COL2A1: variants seen among roughly 807,000 people sequenced by gnomAD.
COL2A1 encodes the protein collagen alpha-1(II) chain.
In COL2A1, 28 loss-of-function variants were observed where a neutral mutation model predicts 204.5. The observed-to-expected ratio is 0.14, with a 90% CI of 0.10 to 0.19. COL2A1 has a LOEUF of 0.19. COL2A1 is among the 10% of genes least tolerant of loss of function. COL2A1 has a pLI of 1.00. For missense variants in COL2A1, 1,388 were observed against 2,027.5 expected (o/e 0.68, Z 6.06); for synonymous variants, 708 against 718.7 (o/e 0.99, Z 0.24).
intron 36 of COL2A1, 94 bp from the exon 37 acceptor site, chr12:47,981,490 A>T: frequency 8.5e-7 from 1 of 1,179,738 alleles, no homozygotes; most frequent in Non-Finnish European, 1.2e-6. Context: ...TGCTCGTGGG[A>T]AGGGGGCTCC....
chr12:47,975,811 G>A, intron 50 of COL2A1, 152 bp downstream of exon 50: 2 of 813,364 alleles, frequency 2.5e-6, no homozygotes, highest in African/African-American at 1.7e-5. Flanking sequence ...CTGATCATGG[G>A]CCCTGTGACC....
rs77450687 is a variant in COL2A1 at position 47,976,272 on chromosome 12, C to T, written c.3490-202G>A. Among the ~76,000 whole-genome samples the T allele has an allele frequency of 4.6e-5, 7 of 152,166 alleles. No homozygotes were observed. In the East Asian group the frequency reaches 1.2e-3, roughly 25 times the overall value. On this transcript the variant is annotated intron_variant, in intron 49 of 53. Coordinates refer to ENST00000380518, the MANE Select transcript of COL2A1 (RefSeq NM_001844.5). The surrounding 1 kb of genome is among the most constrained non-coding windows in gnomAD (Gnocchi z 4.3). ...TCCATGGCTTGCCTACCCTCCTAAG[C>T]TCCTCTTTGTAAAATGCTGTTCTGT...
chr12:47,977,199 G>T, intron 46 of COL2A1, 44 bp from the exon 47 acceptor site: 2 of 1,608,016 alleles, frequency 1.2e-6, no homozygotes, highest in Non-Finnish European at 1.7e-6. Context: ...GCCAGGACAG[G>T]TGGGGGCCTC....
At chr12:47,979,015 C>T (rs1379829616) in intron 41 of COL2A1, among the ~76,000 whole-genome samples, 2 of 151,906 alleles carry the variant, frequency 1.3e-5, no homozygotes, top group African/African-American at 4.8e-5. Context: ...CCTGGAATCT[C>T]TCCTCCCTCC....
chr12:48,000,925 G>T (rs1489900338), intron 1 of COL2A1: 1 of 152,334 alleles, frequency 6.6e-6, no homozygotes, highest in East Asian at 1.9e-4. Context: ...CCTGCCTGGA[G>T]AGGCCCTGCC....
Position 47,983,103 on chromosome 12 carries a change from A to G in COL2A1, c.2084T>C (p.Val695Ala), listed in dbSNP as rs140410261. 2.5e-6 allele frequency: 4 copies of G among 1,613,882 alleles called. No homozygotes were observed. The highest frequency in any genetic ancestry group is 3.4e-6 in the Non-Finnish European group (4 of 1,179,954). The change falls in exon 32 of 54, where the codon GTG becomes GCG. Residue 695 changes from valine to alanine, a missense_variant. Coordinates refer to ENST00000380518, the MANE Select transcript of COL2A1 (RefSeq NM_001844.5). ...VPGEAGAPGL[V>A]GPRGERGFPG... Reference sequence around the variant, plus strand: ...CAACAGGATACTCACCCTGGGACCCACGAGGCCAGGGGCTCCAGCTTCACC... The same window carrying G: ...CAACAGGATACTCACCCTGGGACCCGCGAGGCCAGGGGCTCCAGCTTCACC...
At position 47,994,064 on chromosome 12, in the gene COL2A1, A is replaced by G; in HGVS notation, c.817-17T>C. The G allele has an allele frequency of 1.2e-6, 2 of 1,613,902 alleles. No homozygotes were observed. The highest frequency in any genetic ancestry group is 1.7e-6 in the Non-Finnish European group (2 of 1,179,980). ...ACGAGCACCCTGCAATCCAAAGTGG[A>G]GGTGTTCAGAGCACAGAGTAAAATA... is the stretch of plus-strand genomic sequence containing the variant. On this transcript the variant is annotated splice_polypyrimidine_tract_variant and intron_variant, in intron 12 of 53. Transcript: ENST00000380518.
At chr12:47,984,415 G>A (rs1295503167) in intron 28 of COL2A1, 131 bp downstream of exon 28, 6 of 975,168 alleles carry the variant, frequency 6.2e-6, no homozygotes, top group Non-Finnish European at 7.9e-6. Flanking sequence ...AGCCAGCATG[G>A]GGCTCAGCCA....
In COL2A1 at chr12:47,978,031, A is replaced by G; in HGVS notation, c.3090T>C (p.Pro1030=). ...TCACCTCTCGTCCAGGTTCACCTGC[A>G]GGACCCGTCAGGCCAGGAGGACCCA... ...GPVGPPGLTG[P]AGEPGREGSP... Residue 1030 remains proline (P), a synonymous_variant, in exon 44 of 54, where the codon CCT becomes CCC. Coordinates refer to ENST00000380518, the MANE Select transcript of COL2A1 (RefSeq NM_001844.5). The surrounding 1 kb of genome is among the most constrained non-coding windows in gnomAD (Gnocchi z 5.5). The G allele has an allele frequency of 6.2e-7, 1 of 1,613,580 alleles. No individual in the cohort carries two copies. The highest frequency in any genetic ancestry group is 1.3e-5 in the African/African-American group (1 of 75,006).
At chr12:47,997,203 G>A (rs1356777218) in intron 7 of COL2A1, among the ~76,000 whole-genome samples, 1 of 152,224 alleles carries the variant, frequency 6.6e-6, no homozygotes, top group African/African-American at 2.4e-5. Context: ...TTTCATGAGA[G>A]TGAATAGTTG....
chr12:47,997,487 G>T, intron 7 of COL2A1, 119 bp downstream of exon 7: 1 of 1,561,082 alleles, frequency 6.4e-7, no homozygotes, highest in Non-Finnish European at 8.8e-7. Flanking sequence ...AAAGCCCATG[G>T]ACAGGCTATG....
chr12:47,993,403 A>G, intron 15 of COL2A1, 55 bp downstream of exon 15: 1 of 1,319,808 alleles, frequency 7.6e-7, no homozygotes. Context: ...CTTTGCAGCC[A>G]TCTGATAGTC....
At chr12:47,994,363 T>A (rs1432446478) in intron 12 of COL2A1, 61 bp downstream of exon 12, 2 of 1,582,504 alleles carry the variant, frequency 1.3e-6, no homozygotes, top group East Asian at 4.5e-5. Flanking sequence ...GCACTGTGTT[T>A]AAGGCCACAG....
Position 47,987,360 on chromosome 12 carries a change from A to T in COL2A1, c.1222-47T>A. The T allele has an allele frequency of 1.2e-6, 2 of 1,601,776 alleles. No homozygotes were observed. Among genetic ancestry groups the T allele is most frequent in the South Asian group, 1.1e-5 (1 of 90,528 alleles). ...AATAAGCAGCAAAGAATGAACCCCA[A>T]CCACCTCCAGCCCTCCAGGATCCAG... is the stretch of plus-strand genomic sequence containing the variant. On this transcript the variant is annotated intron_variant, in intron 19 of 53. Transcript: ENST00000380518. The surrounding 1 kb of genome is among the most constrained non-coding windows in gnomAD (Gnocchi z 4.1).
At chr12:47,992,265 G>T (rs535941928) in intron 16 of COL2A1, among the ~76,000 whole-genome samples, 8 of 152,064 alleles carry the variant, frequency 5.3e-5, no homozygotes, top group Non-Finnish European at 1.2e-4. Context: ...AGAGTCTAAG[G>T]CTGCAAGGCA....
At chr12:48,002,745 T>A (rs926581399) in intron 1 of COL2A1, 11 of 152,286 alleles carry the variant, frequency 7.2e-5, no homozygotes, top group Admixed American at 6.5e-4. Flanking sequence ...ATAGTCAGTC[T>A]GAGTCCAGGC....
rs1451815697 is a variant in COL2A1 at position 47,984,422 on chromosome 12, G to C, written c.1887+124C>G. On this transcript the variant is annotated intron_variant, in intron 28 of 53. Coordinates refer to ENST00000380518, the MANE Select transcript of COL2A1 (RefSeq NM_001844.5). ...AAGGGCCCAGCCAGCATGGGGCTCAGCCACAGAGATCAACACTCAATACTG... is the reference window on the plus strand; with the variant it reads ...AAGGGCCCAGCCAGCATGGGGCTCACCCACAGAGATCAACACTCAATACTG... 8 of 1,029,564 alleles carry C rather than the reference G, an allele frequency of 7.8e-6. No homozygotes were observed. The Admixed American group carries it at 1.6e-4, about 21-fold the overall frequency. The allele number at this position is 1,029,564 out of a possible 1,614,324, so 63.8% of individuals were successfully genotyped here. A position where few individuals can be genotyped will look rare whatever the true frequency, so the allele number is the denominator to read the frequency against.
intron 33 of COL2A1, 48 bp from the exon 34 acceptor site, chr12:47,982,657 T>G (rs1939161555): frequency 7.2e-7 from 1 of 1,394,736 alleles, no homozygotes; most frequent in Admixed American, 1.8e-5. Flanking sequence ...CACCTCTCCC[T>G]GAACCCATGT....
upstream of COL2A1, among the ~76,000 whole-genome samples, chr12:48,004,765 T>C (rs1319523229): frequency 6.6e-6 from 1 of 152,088 alleles, no homozygotes. Flanking sequence ...TGCCCCCCTC[T>C]GACCACAGGC....
Sources: gnomAD v4.1 joint callset for allele counts (sites outside exome capture counted in the v4.1 genomes callset) on GRCh38, gnomAD v4.1.1 for gene constraint, Gnocchi (gnomAD v3.1) non-coding constraint, MANE v1.5 for transcripts, NCBI Gene and HGNC (gene_info 2026-07-23, HGNC 2026-07-21) for gene names.